Variants in RAB11FIP4 observed in about 807,000 individuals in gnomAD.
RAB11FIP4 encodes the protein RAB11 family interacting protein 4.
RAB11FIP4 carries 23 observed loss-of-function variants against 74.3 expected under a neutral mutation model. The observed-to-expected ratio is 0.31, with a 90% confidence interval of 0.22 to 0.44. The LOEUF (loss-of-function observed/expected upper bound fraction) is 0.44. RAB11FIP4 is among the 20% of genes least tolerant of loss of function. The pLI, the probability that RAB11FIP4 is intolerant of heterozygous loss-of-function variation, is 1.00. For missense variants in RAB11FIP4, 630 were observed against 863.9 expected, an observed-to-expected ratio of 0.73 and a Z score of 3.39; for synonymous variants, 360 against 359.9, an observed-to-expected ratio of 1.00 and a Z score of 0.00.
chr17:31,411,040 T>C (rs534705195), intron 1 of RAB11FIP4, among the ~76,000 whole-genome samples: 2 of 152,208 alleles, frequency 1.3e-5, no homozygotes, highest in African/African-American at 4.8e-5. Flanking sequence ...GGAGGATGCG[T>C]AGGCCCTGGA....
intron 3 of RAB11FIP4, among the ~76,000 whole-genome samples, chr17:31,467,632 G>T (rs868797904): frequency 6.6e-6 from 1 of 152,030 alleles, no homozygotes; most frequent in East Asian, 1.9e-4. Context: ...TCCACCTGGG[G>T]AGAGAGTAGT....
intron 1 of RAB11FIP4, among the ~76,000 whole-genome samples, chr17:31,398,690 G>A (rs976688613): frequency 1.3e-5 from 2 of 152,202 alleles, no homozygotes; most frequent in Non-Finnish European, 2.9e-5. Flanking sequence ...GACAGGCAGC[G>A]TGGCTTTCAG....
chr17:31,435,081 G>A (rs1339618130), intron 3 of RAB11FIP4, among the ~76,000 whole-genome samples: 2 of 152,218 alleles, frequency 1.3e-5, no homozygotes, highest in African/African-American at 4.8e-5. Context: ...AGCTACTGGG[G>A]AGACTGAGGT....
intron 2 of RAB11FIP4, 111 bp from the exon 3 acceptor site, chr17:31,433,923 G>T: frequency 1.9e-6 from 2 of 1,058,106 alleles, no homozygotes; most frequent in Non-Finnish European, 2.8e-6. Flanking sequence ...CTGGAGCCTC[G>T]GGCCCCCACC....
At chr17:31,411,353 G>A (rs550625010) in intron 1 of RAB11FIP4, among the ~76,000 whole-genome samples, 33 of 152,304 alleles carry the variant, frequency 2.2e-4, no homozygotes, top group Admixed American at 2.0e-4. Context: ...GACAGAGTGC[G>A]ATTCCATCTC....
intron 3 of RAB11FIP4, among the ~76,000 whole-genome samples, chr17:31,435,287 A>G (rs2071347464): frequency 6.6e-6 from 1 of 152,190 alleles, no homozygotes. Context: ...ACCTTATTGT[A>G]TGCTTGGTCT....
chr17:31,462,281 CA>C (rs111709214), intron 3 of RAB11FIP4, among the ~76,000 whole-genome samples: 14,793 of 143,842 alleles, frequency 0.1, 2,407 homozygotes, highest in African/African-American at 0.35. Flanking sequence ...AAACAAAAAA[CA>C]AAAAAAAAAA....
chr17:31,488,474 G>A (rs771168057), intron 3 of RAB11FIP4: 136 of 474,068 alleles, frequency 2.9e-4, no homozygotes, highest in Middle Eastern at 9.1e-4. Flanking sequence ...GTTCCAGGAA[G>A]TGCTTTTAGT....
chr17:31,475,654 G>A (rs1344194870), intron 3 of RAB11FIP4, among the ~76,000 whole-genome samples: 1 of 152,158 alleles, frequency 6.6e-6, no homozygotes, highest in Non-Finnish European at 1.5e-5. Flanking sequence ...TTCTCACGGT[G>A]GTGAAGATGT....
intron 3 of RAB11FIP4, among the ~76,000 whole-genome samples, chr17:31,459,793 C>T (rs62062359): frequency 0.34 from 51,551 of 150,176 alleles, 9,490 homozygotes; most frequent in East Asian, 0.52. Flanking sequence ...TCCCTCCCCA[C>T]GGCCCCAGAT....
In RAB11FIP4 at chr17:31,523,444, A is replaced by G. The variant is rs909551880; in HGVS notation, c.930-68A>G. 4 of 1,254,546 alleles carry G rather than the reference A, an allele frequency of 3.2e-6. No individual in the cohort carries two copies. The Admixed American group carries it at 5.0e-5, about 16-fold the overall frequency. 77.7% of individuals were successfully genotyped at this position (1,254,546 alleles called of 1,614,324 possible). On this transcript the variant is annotated intron_variant, in intron 7 of 14. Transcript: ENST00000621161. Reference sequence around the variant, plus strand: ...TGGGGTACTGGATGCTCGCCTAGCCAGTAGTGTGAGTAGGCCCCTGTCTCT... The same window carrying G: ...TGGGGTACTGGATGCTCGCCTAGCCGGTAGTGTGAGTAGGCCCCTGTCTCT...
At chr17:31,518,744 A>C (rs1346432464) in intron 4 of RAB11FIP4, 2 of 152,386 alleles carry the variant, frequency 1.3e-5, no homozygotes, top group Non-Finnish European at 2.9e-5. Flanking sequence ...AAACCAAAAA[A>C]CAACACACAG....
chr17:31,437,588 G>T (rs1051239749), intron 3 of RAB11FIP4, among the ~76,000 whole-genome samples: 1 of 152,188 alleles, frequency 6.6e-6, no homozygotes, highest in South Asian at 2.1e-4. Context: ...GATGGCAGGC[G>T]CTCCATCCCT....
At chr17:31,497,166 C>G (rs2072132222) in intron 3 of RAB11FIP4, among the ~76,000 whole-genome samples, 1 of 152,144 alleles carries the variant, frequency 6.6e-6, no homozygotes, top group African/African-American at 2.4e-5. Context: ...GAGTTCGAGA[C>G]CAGCCTGACC....
At chr17:31,498,839 C>T (rs1183546250) in intron 3 of RAB11FIP4, among the ~76,000 whole-genome samples, 1 of 152,188 alleles carries the variant, frequency 6.6e-6, no homozygotes, top group Non-Finnish European at 1.5e-5. Flanking sequence ...GTTTTCCCTC[C>T]CAAACCTTCA....
intron 1 of RAB11FIP4, among the ~76,000 whole-genome samples, chr17:31,427,585 C>T (rs2071266019): frequency 6.6e-6 from 1 of 152,346 alleles, no homozygotes; most frequent in East Asian, 1.9e-4. Context: ...CCTAGGTGGA[C>T]TTGAGGTGAG....
chr17:31,531,619 A>C lies in RAB11FIP4; in HGVS notation c.1801A>C (p.Met601Leu). The C allele has an allele frequency of 1.2e-6, 2 of 1,609,104 alleles. No individual in the cohort carries two copies. The highest frequency in any genetic ancestry group is 1.7e-6 in the Non-Finnish European group (2 of 1,175,444). ...CCGTCTTTCCCATTTCCTTCAGCTA[A>C]TGGAAGCCCTGAAGGAGCAGGAGGA... ...EIDTASRDEL[M>L]EALKEQEEIN... The change falls in exon 15 of 15, where the codon ATG becomes CTG. Residue 601 changes from methionine to leucine, a missense_variant. Physicochemically the swap from Met to Leu is conservative, Grantham distance 15 (BLOSUM62 2). Coordinates refer to ENST00000621161, the MANE Select transcript of RAB11FIP4 (RefSeq NM_032932.6).
rs747844559 is a variant in RAB11FIP4 at position 31,453,355 on chromosome 17, C to CAAAAAAAA, written c.336+19251_336+19258dup. Among the ~76,000 whole-genome samples, 84 of 71,784 alleles carry CAAAAAAAA rather than the reference C, an allele frequency of 1.2e-3. 1 individual carries two copies. Among genetic ancestry groups the CAAAAAAAA allele is most frequent in the African/African-American group, 4.5e-3 (76 of 16,942 alleles). The allele number at this position is 71,784 out of a possible 152,430, so 47.1% of individuals were successfully genotyped here. A position where few individuals can be genotyped will look rare whatever the true frequency, so the allele number is the denominator to read the frequency against. ...TGTACCATAGAGAGAGACCCTACCT[C>CAAAAAAAA]AAAAAAAAAAAAAAAAAAAAAAAAA... On this transcript the variant is annotated intron_variant, in intron 3 of 14. Coordinates refer to ENST00000621161, the MANE Select transcript of RAB11FIP4 (RefSeq NM_032932.6).
rs888947056 is a variant in RAB11FIP4 at position 31,441,295 on chromosome 17, G to C, written c.336+7173G>C. 5.3e-5 allele frequency among the ~76,000 whole-genome samples: 8 copies of C among 152,026 alleles called. No homozygotes were observed. In the East Asian group the frequency reaches 7.7e-4, roughly 15 times the overall value. On this transcript the variant is annotated intron_variant, in intron 3 of 14. Coordinates refer to ENST00000621161, the MANE Select transcript of RAB11FIP4 (RefSeq NM_032932.6). ...CCTGCTTCGGCCTCCCAAAGTGCTG[G>C]GATTACAGGTGTGAGCCACCGCATC...
Sources: allele counts gnomAD v4.1 joint callset (sites outside exome capture counted in the v4.1 genomes callset), GRCh38; gene constraint gnomAD v4.1.1; transcripts MANE v1.5; gene names NCBI Gene and HGNC (gene_info 2026-07-23, HGNC 2026-07-21).